GPC6: variants seen among roughly 807,000 people sequenced by gnomAD.
GPC6 encodes the protein glypican 6.
In GPC6, 14 loss-of-function variants were observed where a neutral mutation model predicts 55.2. The ratio of observed to expected loss-of-function variants is 0.25; its 90% CI spans 0.17 to 0.40. The LOEUF is 0.40. Ranked by LOEUF, GPC6 falls within the 10% of genes least tolerant of loss-of-function variation. The pLI is 1.00. For synonymous variants in GPC6, 278 were observed against 259.6 expected (o/e 1.07, Z -0.68); for missense variants, 641 against 708.5 (o/e 0.90, Z 1.08).
intron 1 of GPC6, among the ~76,000 whole-genome samples, chr13:93,412,419 G>T (rs760839585): frequency 7.2e-5 from 11 of 152,192 alleles, no homozygotes; most frequent in Non-Finnish European, 1.5e-4. Context: ...ACTTTGAGAG[G>T]CCGAGGCAGG....
intron 1 of GPC6, among the ~76,000 whole-genome samples, chr13:93,537,747 A>G (rs1882117130): frequency 6.6e-6 from 1 of 152,124 alleles, no homozygotes; most frequent in African/African-American, 2.4e-5. Context: ...GCCTGTTACC[A>G]TCATTTCCAT....
chr13:93,864,853 T>G (rs773781170), intron 3 of GPC6, among the ~76,000 whole-genome samples: 1 of 151,696 alleles, frequency 6.6e-6, no homozygotes, highest in Non-Finnish European at 1.5e-5. Context: ...GTCCAGGCGG[T>G]AAATCCTTTG....
At chr13:94,270,141 G>A (rs1479636026) in intron 4 of GPC6, among the ~76,000 whole-genome samples, 1 of 152,136 alleles carries the variant, frequency 6.6e-6, no homozygotes, top group Non-Finnish European at 1.5e-5. Context: ...CTCTCTATGA[G>A]AATTCTATAC....
intron 1 of GPC6, among the ~76,000 whole-genome samples, chr13:93,499,534 A>C (rs1032808905): frequency 1.3e-5 from 2 of 152,168 alleles, no homozygotes; most frequent in Non-Finnish European, 2.9e-5. Flanking sequence ...GTCCTCTCTG[A>C]CTTCATATGC....
chr13:94,253,033 CCAAGAAGCT>C (rs1891405649), intron 4 of GPC6, among the ~76,000 whole-genome samples: 1 of 151,756 alleles, frequency 6.6e-6, no homozygotes, highest in Admixed American at 6.6e-5. Flanking sequence ...TGATAAGAGG[CCAAGAAGCT>C]CAAGGGAATT....
intron 4 of GPC6, among the ~76,000 whole-genome samples, chr13:94,135,735 A>G (rs769469082): frequency 1.3e-5 from 2 of 152,280 alleles, no homozygotes; most frequent in Non-Finnish European, 2.9e-5. Context: ...GCAAGAATCA[A>G]TAAATTAGGA....
At chr13:93,343,806 T>C (rs773789928) in intron 1 of GPC6, among the ~76,000 whole-genome samples, 1 of 152,196 alleles carries the variant, frequency 6.6e-6, no homozygotes, top group Non-Finnish European at 1.5e-5. Context: ...TCTTTCTGTT[T>C]GGAATTACCT....
intron 6 of GPC6, among the ~76,000 whole-genome samples, chr13:94,355,314 C>T (rs1449363943): frequency 2.6e-5 from 4 of 151,970 alleles, no homozygotes; most frequent in African/African-American, 7.2e-5. Flanking sequence ...TGAGCCACGG[C>T]GCCCGGCCGT....
intron 2 of GPC6, among the ~76,000 whole-genome samples, chr13:93,741,176 T>A (rs1184598228): frequency 6.7e-5 from 9 of 134,666 alleles, no homozygotes; most frequent in African/African-American, 2.2e-4. Flanking sequence ...CAGGTTGGAG[T>A]GCATCTGGGC....
intron 4 of GPC6, among the ~76,000 whole-genome samples, chr13:94,169,138 T>C (rs563160322): frequency 2.0e-5 from 3 of 152,340 alleles, no homozygotes; most frequent in East Asian, 3.9e-4. Flanking sequence ...ACAAGCTTAT[T>C]TACTACAGGA....
At chr13:93,825,761 G>A (rs1887210053) in intron 2 of GPC6, among the ~76,000 whole-genome samples, 1 of 152,098 alleles carries the variant, frequency 6.6e-6, no homozygotes, top group Non-Finnish European at 1.5e-5. Flanking sequence ...CTTGAGAAAG[G>A]CAGGAGGGAA....
intron 1 of GPC6, among the ~76,000 whole-genome samples, chr13:93,475,287 A>G (rs1354621518): frequency 1.3e-5 from 2 of 152,196 alleles, no homozygotes; most frequent in African/African-American, 4.8e-5. Context: ...ATGGGAGGCA[A>G]TTGCTTGCAT....
intron 3 of GPC6, among the ~76,000 whole-genome samples, chr13:94,018,817 T>C (rs975928504): frequency 6.6e-6 from 1 of 152,160 alleles, no homozygotes; most frequent in African/African-American, 2.4e-5. Flanking sequence ...CAATAGATTC[T>C]TATAGGAGTG....
chr13:94,064,186 A>G (rs1004122131), intron 4 of GPC6, among the ~76,000 whole-genome samples: 1 of 152,210 alleles, frequency 6.6e-6, no homozygotes, highest in Non-Finnish European at 1.5e-5. Flanking sequence ...AGGTGGTACT[A>G]AATTATCTCC....
intron 1 of GPC6, among the ~76,000 whole-genome samples, chr13:93,335,125 G>C (rs1026578053): frequency 3.3e-5 from 5 of 152,100 alleles, no homozygotes; most frequent in African/African-American, 1.2e-4. Context: ...CAGTGGCATA[G>C]CTAATTATTT....
intron 1 of GPC6, among the ~76,000 whole-genome samples, chr13:93,456,470 C>A (rs912159767): frequency 1.3e-5 from 2 of 151,950 alleles, no homozygotes; most frequent in Non-Finnish European, 2.9e-5. Flanking sequence ...CTTACTGTAA[C>A]TATTAGTTGT....
At chr13:93,775,275 G>T (rs1026292795) in intron 2 of GPC6, among the ~76,000 whole-genome samples, 1 of 152,130 alleles carries the variant, frequency 6.6e-6, no homozygotes, top group African/African-American at 2.4e-5. Context: ...GAGTAGCTGG[G>T]ACCATAGGCG....
intron 6 of GPC6, among the ~76,000 whole-genome samples, chr13:94,346,831 G>A (rs968153304): frequency 6.6e-6 from 1 of 151,988 alleles, no homozygotes; most frequent in African/African-American, 2.4e-5. Context: ...GGAGGGATGA[G>A]ACTAAGCATG....
intron 5 of GPC6, among the ~76,000 whole-genome samples, chr13:94,297,579 A>T (rs1167550476): frequency 1.3e-5 from 2 of 152,222 alleles, no homozygotes; most frequent in Non-Finnish European, 2.9e-5. Flanking sequence ...ATATCTTCTC[A>T]TGCAATGCAA....
Sources: allele counts gnomAD v4.1 joint callset (sites outside exome capture counted in the v4.1 genomes callset), GRCh38; gene constraint gnomAD v4.1.1; transcripts MANE v1.5; gene names NCBI Gene and HGNC (gene_info 2026-07-23, HGNC 2026-07-21).